Variants in MYRIP observed in about 807,000 individuals in gnomAD.
MYRIP encodes the protein rab effector MyRIP.
MYRIP carries 49 observed loss-of-function variants against 98.0 expected under a neutral mutation model. The observed-to-expected ratio is 0.50, with a 90% CI of 0.40 to 0.63. The LOEUF (loss-of-function observed/expected upper bound fraction) is 0.63, where lower values mean the gene tolerates loss of function less well. Ranked by LOEUF, MYRIP falls within the 30% of genes least tolerant of loss-of-function variation. The pLI is 0.00. For synonymous variants in MYRIP, 404 were observed against 409.5 expected, an observed-to-expected ratio of 0.99 and a Z score of 0.16; for missense variants, 1,004 against 1,058.2, an observed-to-expected ratio of 0.95 and a Z score of 0.71.
chr3:39,844,720 A>G (rs554143305), intron 1 of MYRIP, among the ~76,000 whole-genome samples: 1 of 152,336 alleles, frequency 6.6e-6, no homozygotes, highest in East Asian at 1.9e-4. Flanking sequence ...GCTGTTTCTC[A>G]AAAGGAGAAC....
At chr3:40,065,911 CTA>C (rs1948117525) in intron 3 of MYRIP, among the ~76,000 whole-genome samples, 2 of 152,212 alleles carry the variant, frequency 1.3e-5, no homozygotes, top group East Asian at 3.9e-4. Context: ...AGAGCCTGGA[CTA>C]TGTTTCTCAG....
chr3:39,874,536 A>G (rs1297495471), intron 1 of MYRIP, among the ~76,000 whole-genome samples: 2 of 152,184 alleles, frequency 1.3e-5, no homozygotes, highest in Non-Finnish European at 2.9e-5. Context: ...ATTTATTGAG[A>G]GTTTTTAGTA....
At chr3:39,987,770 G>T (rs1946068201) in intron 2 of MYRIP, among the ~76,000 whole-genome samples, 1 of 152,124 alleles carries the variant, frequency 6.6e-6, no homozygotes, top group Non-Finnish European at 1.5e-5. Context: ...CTTTGCTTAT[G>T]AAGCTTAGTT....
chr3:40,113,491 T>C (rs1396847599), intron 3 of MYRIP, among the ~76,000 whole-genome samples: 2 of 151,942 alleles, frequency 1.3e-5, no homozygotes, highest in Non-Finnish European at 2.9e-5. Context: ...GGAGATTTAG[T>C]AAATGAAGTG....
rs1032003978 is a variant in MYRIP, at chr3:40,260,286, G to C, written c.*2120G>C. 6.6e-6 allele frequency: 1 copy of C among 152,208 alleles called. No individual in the cohort carries two copies. The highest frequency in any genetic ancestry group is 1.5e-5 in the Non-Finnish European group (1 of 68,028). 9.4% of individuals were successfully genotyped at this position (152,208 alleles called of 1,614,324 possible). ...GCACATTGCCAAGAATTACTGTCAAGAGAAATGATAAGTAAAAGTCATTTA... is the reference window on the plus strand; with the variant it reads ...GCACATTGCCAAGAATTACTGTCAACAGAAATGATAAGTAAAAGTCATTTA... On this transcript the variant is annotated 3_prime_UTR_variant, in exon 17 of 17. Coordinates refer to ENST00000302541, the MANE Select transcript of MYRIP (RefSeq NM_015460.4).
rs139606960 is a variant in MYRIP at position 40,029,648 on chromosome 3, G to T, written c.111-14402G>T. Among the ~76,000 whole-genome samples, 303 of 152,262 alleles carry T rather than the reference G, an allele frequency of 2.0e-3. 3 individuals carry two copies. The highest frequency in any genetic ancestry group is 1.4e-3 in the Non-Finnish European group (95 of 68,006). Reference sequence around the variant, plus strand: ...AACCAAACAAAAATACTAATAAAATGTAGGGTTTAATATAAGAAAGGGAAA... The same window carrying T: ...AACCAAACAAAAATACTAATAAAATTTAGGGTTTAATATAAGAAAGGGAAA... On this transcript the variant is annotated intron_variant, in intron 2 of 16. Coordinates refer to ENST00000302541, the MANE Select transcript of MYRIP (RefSeq NM_015460.4).
intron 12 of MYRIP, among the ~76,000 whole-genome samples, chr3:40,241,701 T>C (rs1953020554): frequency 6.6e-6 from 1 of 152,208 alleles, no homozygotes; most frequent in Non-Finnish European, 1.5e-5. Context: ...GAAAGCCTTG[T>C]TGAACCAAGA....
At chr3:40,059,282 C>T (rs535543891) in intron 3 of MYRIP, among the ~76,000 whole-genome samples, 2 of 152,080 alleles carry the variant, frequency 1.3e-5, no homozygotes, top group African/African-American at 4.8e-5. Flanking sequence ...ATTTCTAATC[C>T]TTTGGGTATA....
At chr3:39,811,661 G>T (rs923499090) in intron 1 of MYRIP, among the ~76,000 whole-genome samples, 11 of 150,060 alleles carry the variant, frequency 7.3e-5, no homozygotes, top group Non-Finnish European at 4.4e-5. Flanking sequence ...GGAGAGTGGG[G>T]GGAGGCTGTG....
In MYRIP at chr3:40,189,836, A is replaced by C. The variant is rs1210691514; in HGVS notation, c.1038A>C (p.Pro346=). 6.2e-7 allele frequency: 1 copy of C among 1,610,114 alleles called. No homozygotes were observed. The highest frequency in any genetic ancestry group is 1.1e-5 in the South Asian group (1 of 90,708). Residue 346 remains proline, a synonymous_variant, in exon 10 of 17, where the codon CCA becomes CCC. Transcript: ENST00000302541. ...CCTCTCCATCCACAGACCTGGCCCCAGTTTTGCAGAGCCCCGACGGGAACT... is the reference window on the plus strand; with the variant it reads ...CCTCTCCATCCACAGACCTGGCCCCCGTTTTGCAGAGCCCCGACGGGAACT... The part of the protein sequence containing the change: ...VDRLDETNLA[P]VLQSPDGNWV...
intron 2 of MYRIP, among the ~76,000 whole-genome samples, chr3:40,000,649 C>T (rs530898076): frequency 2.0e-5 from 3 of 152,100 alleles, no homozygotes; most frequent in Admixed American, 6.6e-5. Context: ...GACTTGCTTT[C>T]GTCCTTAATT....
chr3:39,968,589 C>T (rs540346200), intron 2 of MYRIP, among the ~76,000 whole-genome samples: 1 of 152,242 alleles, frequency 6.6e-6, no homozygotes, highest in South Asian at 2.1e-4. Flanking sequence ...AGAGTCTTTT[C>T]CCCATTGCTT....
chr3:39,940,101 G>T (rs1944749394), intron 2 of MYRIP, among the ~76,000 whole-genome samples: 1 of 151,810 alleles, frequency 6.6e-6, no homozygotes, highest in Non-Finnish European at 1.5e-5. Context: ...TATATGTTAA[G>T]GTACATATTT....
intron 3 of MYRIP, among the ~76,000 whole-genome samples, chr3:40,106,070 C>G (rs1949044655): frequency 6.6e-6 from 1 of 151,714 alleles, no homozygotes; most frequent in Admixed American, 6.6e-5. Context: ...GGGATTACAA[C>G]TGAACAGGAG....
chr3:40,156,027 T>C (rs946696667), intron 4 of MYRIP, among the ~76,000 whole-genome samples: 15 of 152,280 alleles, frequency 9.9e-5, no homozygotes, highest in African/African-American at 3.6e-4. Flanking sequence ...TTGTCTTTTG[T>C]TGCCATTGCT....
chr3:40,136,104 T>C (rs577083837), intron 3 of MYRIP, among the ~76,000 whole-genome samples: 1 of 151,952 alleles, frequency 6.6e-6, no homozygotes, highest in African/African-American at 2.4e-5. Flanking sequence ...GGATAAAGAG[T>C]CAAGACCCAT....
intron 2 of MYRIP, among the ~76,000 whole-genome samples, chr3:40,032,012 A>G (rs550073298): frequency 7.2e-5 from 11 of 151,824 alleles, no homozygotes; most frequent in African/African-American, 2.4e-4. Context: ...GATTTTAGTT[A>G]TTTCATGCCT....
Position 40,150,635 on chromosome 3 carries a change from A to G in MYRIP, c.333-413A>G, listed in dbSNP as rs1286643142. Reference sequence around the variant, plus strand: ...AAGCATTTATTGGCTTGCTCTTTGGAGTGACTCAGTGGATGGTTCTCCTGG... The same window carrying G: ...AAGCATTTATTGGCTTGCTCTTTGGGGTGACTCAGTGGATGGTTCTCCTGG... On this transcript the variant is annotated intron_variant, in intron 3 of 16. Coordinates refer to ENST00000302541, the MANE Select transcript of MYRIP (RefSeq NM_015460.4). Among the ~76,000 whole-genome samples the G allele has an allele frequency of 2.0e-5, 3 of 152,172 alleles. No individual in the cohort carries two copies. The East Asian group carries it at 5.8e-4, about 29-fold the overall frequency.
At chr3:39,948,689 C>T (rs773025677) in intron 2 of MYRIP, among the ~76,000 whole-genome samples, 22 of 151,072 alleles carry the variant, frequency 1.5e-4, no homozygotes, top group African/African-American at 2.4e-4. Flanking sequence ...AGAGGCTAGC[C>T]AGAGTTCTAG....
Sources: gnomAD v4.1 joint callset for allele counts (sites outside exome capture counted in the v4.1 genomes callset) on GRCh38, gnomAD v4.1.1 for gene constraint, MANE v1.5 for transcripts, NCBI Gene and HGNC (gene_info 2026-07-23, HGNC 2026-07-21) for gene names.